DNER: variants seen among roughly 807,000 people sequenced by gnomAD.
The protein encoded by DNER is delta and Notch-like epidermal growth factor-related receptor.
A neutral mutation model predicts 78.2 loss-of-function variants in DNER; 33 were observed. The observed-to-expected ratio is 0.42, with a 90% CI of 0.32 to 0.56. The LOEUF (loss-of-function observed/expected upper bound fraction) is 0.56, where lower values mean the gene tolerates loss of function less well. DNER is among the 20% of genes least tolerant of loss of function. The pLI is 0.11. For missense variants in DNER, 918 were observed against 975.3 expected, an observed-to-expected ratio of 0.94 and a Z score of 0.78; for synonymous variants, 417 against 384.8, an observed-to-expected ratio of 1.08 and a Z score of -0.98.
chr2:229,669,506 TACGGCC>T (rs1412986867), intron 1 of DNER, among the ~76,000 whole-genome samples: 1 of 152,148 alleles, frequency 6.6e-6, no homozygotes, highest in African/African-American at 2.4e-5. Flanking sequence ...ACTTTGGGCA[TACGGCC>T]ATTTGCAGGA....
chr2:229,371,527 A>G (rs920203029), intron 11 of DNER, among the ~76,000 whole-genome samples: 1 of 152,190 alleles, frequency 6.6e-6, no homozygotes, highest in African/African-American at 2.4e-5. Flanking sequence ...GATTTGTTTG[A>G]GGTGTTGTAT....
At chr2:229,524,976 C>T (rs1308069335) in intron 5 of DNER, among the ~76,000 whole-genome samples, 1 of 152,202 alleles carries the variant, frequency 6.6e-6, no homozygotes, top group Non-Finnish European at 1.5e-5. Flanking sequence ...TTCGGGACGT[C>T]CCCTTTAATG....
At chr2:229,702,305 C>T (rs369205964) in intron 1 of DNER, among the ~76,000 whole-genome samples, 2 of 152,128 alleles carry the variant, frequency 1.3e-5, no homozygotes, top group East Asian at 1.9e-4. Flanking sequence ...GAGGTCAAGG[C>T]GGGAGGATCA....
chr2:229,534,003 A>G (rs564892161), intron 5 of DNER, among the ~76,000 whole-genome samples: 9 of 152,386 alleles, frequency 5.9e-5, no homozygotes, highest in African/African-American at 1.9e-4. Context: ...CAGTGATCCA[A>G]TGTTTTCCAA....
intron 10 of DNER, among the ~76,000 whole-genome samples, chr2:229,395,344 T>C (rs1693112372): frequency 1.3e-5 from 2 of 152,200 alleles, no homozygotes; most frequent in Non-Finnish European, 2.9e-5. Flanking sequence ...TGCCCTACTA[T>C]GGGATAAAAC....
chr2:229,673,790 T>C (rs1380267743), intron 1 of DNER, among the ~76,000 whole-genome samples: 8 of 152,220 alleles, frequency 5.3e-5, no homozygotes, highest in Admixed American at 4.6e-4. Flanking sequence ...TGGTTTCATT[T>C]GCTCCTCCAG....
intron 1 of DNER, among the ~76,000 whole-genome samples, chr2:229,683,209 C>A (rs1699418388): frequency 6.6e-6 from 1 of 152,154 alleles, no homozygotes. Context: ...CCCTACCCCC[C>A]TCTTAGATAT....
chr2:229,388,291 C>T lies in DNER; in HGVS notation c.1829G>A (p.Gly610Asp). 6.2e-7 allele frequency: 1 copy of T among 1,610,218 alleles called. No homozygotes were observed. Among genetic ancestry groups the T allele is most frequent in the Non-Finnish European group, 8.5e-7 (1 of 1,178,022 alleles). ...PNGYNCHCPH[G>D]WVGANCEIHL... The stretch of plus-strand genomic sequence containing the variant: ...GATCTCACAGTTTGCTCCCACCCAA[C>T]CATGCGGGCAGTGGCAGTTATAACC... Residue 610 changes from glycine (G) to aspartate (D), a missense_variant, in exon 11 of 13, where the codon GGT becomes GAT. Physicochemically the swap from Gly to Asp is moderately conservative, Grantham distance 94 (BLOSUM62 -1). Transcript: ENST00000341772.
At chr2:229,489,841 C>T (rs1442898488) in intron 6 of DNER, among the ~76,000 whole-genome samples, 3 of 151,900 alleles carry the variant, frequency 2.0e-5, no homozygotes, top group Non-Finnish European at 4.4e-5. Flanking sequence ...AAGGAGCCCT[C>T]GAAATCAGTG....
At chr2:229,358,884 G>C (rs1322787694) in intron 12 of DNER, among the ~76,000 whole-genome samples, 1 of 152,164 alleles carries the variant, frequency 6.6e-6, no homozygotes, top group Non-Finnish European at 1.5e-5. Context: ...CTCAAAGTTG[G>C]AGCTTGCAGG....
chr2:229,563,556 C>CATCATCA (rs1697016150), intron 4 of DNER, among the ~76,000 whole-genome samples: 1 of 146,736 alleles, frequency 6.8e-6, no homozygotes, highest in African/African-American at 2.6e-5. Context: ...TCACCATCAT[C>CATCATCA]GTCATCATCC....
intron 5 of DNER, among the ~76,000 whole-genome samples, chr2:229,541,346 G>A (rs1301494896): frequency 6.6e-6 from 1 of 152,154 alleles, no homozygotes; most frequent in Non-Finnish European, 1.5e-5. Flanking sequence ...TCTTGTGGTG[G>A]TTAATTTTAT....
At chr2:229,446,071 C>G (rs942337195) in intron 8 of DNER, among the ~76,000 whole-genome samples, 1 of 152,196 alleles carries the variant, frequency 6.6e-6, no homozygotes, top group African/African-American at 2.4e-5. Context: ...ACCAGGGACA[C>G]CGGCATTCGA....
chr2:229,471,564 A>G (rs1694925137), intron 7 of DNER, among the ~76,000 whole-genome samples: 1 of 152,138 alleles, frequency 6.6e-6, no homozygotes, highest in East Asian at 1.9e-4. Context: ...TGAATTAAAG[A>G]CTTTTAAGCA....
At chr2:229,569,541 A>T (rs1861615) in intron 4 of DNER, among the ~76,000 whole-genome samples, 144,740 of 151,918 alleles carry the variant, frequency 0.95, 69,372 homozygotes, top group East Asian at 1. Context: ...AAAAAAAAAA[A>T]TTTTTTAAGT....
chr2:229,418,318 AT>A, intron 8 of DNER, 88 bp from the exon 9 acceptor site: 1 of 1,557,482 alleles, frequency 6.4e-7, no homozygotes, highest in Non-Finnish European at 8.7e-7. Context: ...AGTTGGGGGT[AT>A]TCATTAGAAA....
chr2:229,611,138 C>T (rs1013260787), intron 1 of DNER, among the ~76,000 whole-genome samples: 2 of 152,232 alleles, frequency 1.3e-5, no homozygotes, highest in African/African-American at 4.8e-5. Context: ...TAGTGCCCCA[C>T]AGGCACATAG....
chr2:229,678,633 C>T (rs140213374), intron 1 of DNER, among the ~76,000 whole-genome samples: 288 of 152,296 alleles, frequency 1.9e-3, no homozygotes, highest in African/African-American at 6.7e-3. Context: ...CCACCATTAG[C>T]ATCAAATTCT....
chr2:229,372,686 T>A (rs1321754446), intron 11 of DNER, among the ~76,000 whole-genome samples: 1 of 152,128 alleles, frequency 6.6e-6, no homozygotes, highest in African/African-American at 2.4e-5. Flanking sequence ...AAAAGATCCT[T>A]CTGGCTGTGC....
Sources: allele counts gnomAD v4.1 joint callset (sites outside exome capture counted in the v4.1 genomes callset), GRCh38; gene constraint gnomAD v4.1.1; transcripts MANE v1.5; gene names NCBI Gene and HGNC (gene_info 2026-07-23, HGNC 2026-07-21).